The following RORA variants were observed in gnomAD, a reference collection of about 807,000 sequenced individuals.
RORA encodes RAR related orphan receptor A.
RORA carries 7 observed loss-of-function variants against 69.5 expected under a neutral mutation model. The observed-to-expected ratio is 0.10, with a 90% CI of 0.06 to 0.19. RORA has a LOEUF of 0.19. RORA is among the 10% of genes least tolerant of loss of function. The pLI, the probability that RORA is intolerant of heterozygous loss-of-function variation, is 1.00. For synonymous variants in RORA, 261 were observed against 240.8 expected (o/e 1.08, Z -0.78); for missense variants, 457 against 663.0 (o/e 0.69, Z 3.41).
At chr15:61,225,725 C>A (rs2080139376) in intron 1 of RORA, among the ~76,000 whole-genome samples, 1 of 152,138 alleles carries the variant, frequency 6.6e-6, no homozygotes, top group Admixed American at 6.5e-5. Flanking sequence ...TTCTGGCAAG[C>A]ACATATAATA....
rs935003162 is a variant in RORA at position 60,632,342 on chromosome 15, C to T, written c.196+46315G>A. 4.6e-5 allele frequency among the ~76,000 whole-genome samples: 7 copies of T among 152,132 alleles called. No homozygotes were observed. The South Asian group carries it at 6.2e-4, about 14-fold the overall frequency. On this transcript the variant is annotated intron_variant, in intron 2 of 10. Coordinates refer to ENST00000335670, the MANE Select transcript of RORA (RefSeq NM_134261.3). ...CAGGATGGTCTCGATCTCCTGACCT[C>T]GTGATCTGCCCGCCTCGGCCTCCCA...
At chr15:60,821,290 C>G (rs893642722) in intron 1 of RORA, among the ~76,000 whole-genome samples, 1 of 152,180 alleles carries the variant, frequency 6.6e-6, no homozygotes, top group Non-Finnish European at 1.5e-5. Flanking sequence ...GTGCTGTTCC[C>G]TTTCAGTGCT....
At chr15:61,202,413 A>C (rs2079903202) in intron 1 of RORA, among the ~76,000 whole-genome samples, 1 of 152,138 alleles carries the variant, frequency 6.6e-6, no homozygotes, top group African/African-American at 2.4e-5. Flanking sequence ...GGGCCTCAAT[A>C]ACCTTTTACA....
intron 1 of RORA, among the ~76,000 whole-genome samples, chr15:61,219,282 T>C (rs998500360): frequency 6.6e-6 from 1 of 152,210 alleles, no homozygotes; most frequent in Non-Finnish European, 1.5e-5. Flanking sequence ...CACATCTTAA[T>C]AGCCTCATTA....
chr15:61,138,053 G>A (rs1237217131), intron 1 of RORA, among the ~76,000 whole-genome samples: 3 of 152,142 alleles, frequency 2.0e-5, no homozygotes, highest in African/African-American at 7.2e-5. Context: ...AGTCATTTGG[G>A]AAGAATAAAT....
At chr15:60,630,052 T>C (rs1373857399) in intron 2 of RORA, among the ~76,000 whole-genome samples, 2 of 152,282 alleles carry the variant, frequency 1.3e-5, no homozygotes, top group African/African-American at 2.4e-5. Flanking sequence ...TATTGGGCTA[T>C]AAAAATGGAC....
intron 2 of RORA, among the ~76,000 whole-genome samples, chr15:60,566,283 C>T (rs551204482): frequency 2.0e-5 from 3 of 152,286 alleles, no homozygotes; most frequent in Non-Finnish European, 4.4e-5. Flanking sequence ...AAGTATTACT[C>T]ATCACTCAAG....
rs34480684 is a variant in RORA at position 60,798,221 on chromosome 15, GACACACACACACACACACAC to G, written c.167-119555_167-119536del. Among the ~76,000 whole-genome samples, 24 of 145,754 alleles carry G rather than the reference GACACACACACACACACACAC, an allele frequency of 1.6e-4. 1 individual carries two copies. Among genetic ancestry groups the G allele is most frequent in the African/African-American group, 3.6e-4 (14 of 39,062 alleles). On this transcript the variant is annotated intron_variant, in intron 1 of 10. Transcript: ENST00000335670. The stretch of plus-strand genomic sequence containing the variant: ...CCCCTTCCCCTTCATTTCCCCAACA[GACACACACACACACACACAC>G]ACACACACACACACACACACACACA...
At chr15:60,640,301 G>A (rs2069919803) in intron 2 of RORA, among the ~76,000 whole-genome samples, 1 of 152,126 alleles carries the variant, frequency 6.6e-6, no homozygotes, top group African/African-American at 2.4e-5. Flanking sequence ...TTCTACCTCC[G>A]GAATATATTT....
In RORA at chr15:60,611,559, C is replaced by CAAAAAAAAAAAAAAAAAAAAAAAAAAAAA. The variant is rs533598270; in HGVS notation, c.196+67069_196+67097dup. Among the ~76,000 whole-genome samples, 14 of 35,818 alleles carry CAAAAAAAAAAAAAAAAAAAAAAAAAAAAA rather than the reference C, an allele frequency of 3.9e-4. 6 individuals carry two copies. The highest frequency in any genetic ancestry group is 5.7e-4 in the African/African-American group (5 of 8,780). The allele number at this position is 35,818 out of a possible 152,430, so 23.5% of individuals were successfully genotyped here. On this transcript the variant is annotated intron_variant, in intron 2 of 10. Coordinates refer to ENST00000335670, the MANE Select transcript of RORA (RefSeq NM_134261.3). Reference sequence around the variant, plus strand: ...TTACCTCAAACAATCTTGAGTTTTGCAAAAAAAAAAAAAAAAAAAAAAAAA... The same window carrying CAAAAAAAAAAAAAAAAAAAAAAAAAAAAA: ...TTACCTCAAACAATCTTGAGTTTTGCAAAAAAAAAAAAAAAAAAAAAAAAAAAAAAAAAAAAAAAAAAAAAAAAAAAAAA...
intron 5 of RORA, among the ~76,000 whole-genome samples, chr15:60,507,238 C>T (rs2065536333): frequency 6.6e-6 from 1 of 152,122 alleles, no homozygotes; most frequent in Admixed American, 6.5e-5. Context: ...ATCCCTCTCC[C>T]TAGGGTTTTG....
intron 2 of RORA, among the ~76,000 whole-genome samples, chr15:60,567,795 A>G (rs1299182187): frequency 6.6e-6 from 1 of 152,186 alleles, no homozygotes; most frequent in Non-Finnish European, 1.5e-5. Flanking sequence ...TTGGTAATGC[A>G]TTACTTTCCC....
chr15:60,981,788 C>T (rs1364376811), intron 1 of RORA, among the ~76,000 whole-genome samples: 1 of 150,946 alleles, frequency 6.6e-6, no homozygotes, highest in Non-Finnish European at 1.5e-5. Context: ...TAGTAATGAA[C>T]TCGTTTTCAC....
At chr15:60,830,659 A>T (rs1215740909) in intron 1 of RORA, among the ~76,000 whole-genome samples, 1 of 152,220 alleles carries the variant, frequency 6.6e-6, no homozygotes, top group African/African-American at 2.4e-5. Context: ...AAGCTGTTTC[A>T]AGTATGGCTG....
chr15:60,917,287 G>A (rs893667281), intron 1 of RORA, among the ~76,000 whole-genome samples: 14 of 152,068 alleles, frequency 9.2e-5, no homozygotes, highest in Non-Finnish European at 1.3e-4. Flanking sequence ...TTGCTTTTAC[G>A]TGGCAAAGCC....
intron 1 of RORA, among the ~76,000 whole-genome samples, chr15:61,109,149 T>C (rs2078979430): frequency 6.6e-6 from 1 of 152,230 alleles, no homozygotes. Flanking sequence ...TGAGCCTAGA[T>C]CGCGCCACTA....
At position 61,122,189 on chromosome 15, in the gene RORA, G is replaced by C. The variant is rs908675291; in HGVS notation, c.166+106864C>G. Among the ~76,000 whole-genome samples, 27 of 152,140 alleles carry C rather than the reference G, an allele frequency of 1.8e-4. 1 individual carries two copies. The highest frequency in any genetic ancestry group is 1.8e-3 in the Admixed American group (27 of 15,272). On this transcript the variant is annotated intron_variant, in intron 1 of 10. Transcript: ENST00000335670. Reference sequence around the variant, plus strand: ...TTTCTTAAGCCAGGCTCTGCTGTTTGAGCTGAAAAGTTCGGGAAGACATTA... The same window carrying C: ...TTTCTTAAGCCAGGCTCTGCTGTTTCAGCTGAAAAGTTCGGGAAGACATTA...
intron 2 of RORA, among the ~76,000 whole-genome samples, chr15:60,616,542 C>T (rs2069248479): frequency 1.3e-5 from 2 of 152,058 alleles, no homozygotes; most frequent in Non-Finnish European, 2.9e-5. Context: ...GAAACAAGAG[C>T]CGGGAAGAGC....
At chr15:61,075,585 C>A (rs1380688960) in intron 1 of RORA, among the ~76,000 whole-genome samples, 1 of 152,204 alleles carries the variant, frequency 6.6e-6, no homozygotes. Flanking sequence ...CCTATCTCAA[C>A]TGAGCAGAAC....
Sources: allele counts gnomAD v4.1 joint callset (sites outside exome capture counted in the v4.1 genomes callset), GRCh38; gene constraint gnomAD v4.1.1; transcripts MANE v1.5; gene names NCBI Gene and HGNC (gene_info 2026-07-23, HGNC 2026-07-21).